Variants in FANCA observed in about 807,000 individuals in gnomAD.
FANCA encodes FA complementation group A, also known as Fanconi anemia group A protein.
In FANCA, 236 loss-of-function variants were observed where a neutral mutation model predicts 194.3. The ratio of observed to expected loss-of-function variants is 1.21; its 90% CI spans 1.09 to 1.35. FANCA has a LOEUF of 1.35. Among genes scored for constraint, FANCA ranks in the 40% most tolerant of loss-of-function variants. The pLI, the probability that FANCA is intolerant of heterozygous loss-of-function variation, is 0.00. For synonymous variants in FANCA, 1,014 were observed against 715.8 expected (o/e 1.42, Z -6.65); for missense variants, 2,628 against 1,813.9 (o/e 1.45, Z -8.15).
intron 36 of FANCA, among the ~76,000 whole-genome samples, chr16:89,743,361 G>A (rs1000302588): frequency 6.6e-6 from 1 of 152,230 alleles, no homozygotes; most frequent in Non-Finnish European, 1.5e-5. Flanking sequence ...GAGTTTTCTG[G>A]CTGGTTAAAA....
At chr16:89,769,671 A>G in intron 26 of FANCA, 166 bp downstream of exon 26, 1 of 754,926 alleles carries the variant, frequency 1.3e-6, no homozygotes, top group Non-Finnish European at 2.3e-6. Flanking sequence ...CGCATATTAT[A>G]AACAAATGAC....
intron 9 of FANCA, 104 bp from the exon 10 acceptor site, chr16:89,799,336 C>T (rs1041285223): frequency 2.5e-5 from 32 of 1,299,788 alleles, no homozygotes; most frequent in Non-Finnish European, 3.3e-5. Context: ...TTCAACCCCC[C>T]AGAGGGCCCA....
chr16:89,795,872 G>C lies in FANCA; in HGVS notation c.1006+34C>G, dbSNP rs746212680. The C allele has an allele frequency of 1.6e-5, 24 of 1,507,148 alleles. No individual in the cohort carries two copies. The East Asian group carries it at 5.2e-4, about 33-fold the overall frequency. 93.4% of individuals were successfully genotyped at this position (1,507,148 alleles called of 1,614,324 possible). On this transcript the variant is annotated intron_variant, in intron 11 of 42. Coordinates refer to ENST00000389301, the MANE Select transcript of FANCA (RefSeq NM_000135.4). ...CAAGGCAACAGCAATCCCCAAAATG[G>C]GTAGCAACTGAGCAGCCTCCACACT...
At chr16:89,815,510 C>T (rs1280863220) in intron 2 of FANCA, among the ~76,000 whole-genome samples, 1 of 151,872 alleles carries the variant, frequency 6.6e-6, no homozygotes, top group African/African-American at 2.4e-5. Context: ...CGTGCGCCAC[C>T]ACACCCAGCT....
Position 89,812,646 on chromosome 16 carries a change from C to CAAAAAAAAAAAAAAAAAAAAAAAA in FANCA, c.284-1599_284-1576dup, listed in dbSNP as rs71137677. Reference sequence around the variant, plus strand: ...GGGTAACAAGAGCAATACTCCGTCTCAAAAAAAAAAAAAAAAAAAAAAAAC... The same window carrying CAAAAAAAAAAAAAAAAAAAAAAAA: ...GGGTAACAAGAGCAATACTCCGTCTCAAAAAAAAAAAAAAAAAAAAAAAAAAAAAAAAAAAAAAAAAAAAAAAAC... On this transcript the variant is annotated intron_variant, in intron 3 of 42. Coordinates refer to ENST00000389301, the MANE Select transcript of FANCA (RefSeq NM_000135.4). 1.4e-3 allele frequency among the ~76,000 whole-genome samples: 58 copies of CAAAAAAAAAAAAAAAAAAAAAAAA among 42,284 alleles called. 2 individuals are homozygous for CAAAAAAAAAAAAAAAAAAAAAAAA. Among genetic ancestry groups the CAAAAAAAAAAAAAAAAAAAAAAAA allele is most frequent in the Non-Finnish European group, 2.6e-3 (46 of 17,574 alleles). 27.7% of individuals were successfully genotyped at this position (42,284 alleles called of 152,430 possible). A position where few individuals can be genotyped will look rare whatever the true frequency, so the allele number is the denominator to read the frequency against.
chr16:89,737,553 G>A lies in FANCA; in HGVS notation c.*1048C>T. On this transcript the variant is annotated 3_prime_UTR_variant, in exon 43 of 43. Coordinates refer to ENST00000389301, the MANE Select transcript of FANCA (RefSeq NM_000135.4). ...AAAAAAGACAAGAATCTGTGGTTAAGGAAATAGCTTTCTGAGGTTTCTTTA... is the reference window on the plus strand; with the variant it reads ...AAAAAAGACAAGAATCTGTGGTTAAAGAAATAGCTTTCTGAGGTTTCTTTA... 1 of 555,372 alleles carries A rather than the reference G, an allele frequency of 1.8e-6. No individual in the cohort carries two copies. Among genetic ancestry groups the A allele is most frequent in the Non-Finnish European group, 3.0e-6 (1 of 337,372 alleles). 34.4% of individuals were successfully genotyped at this position (555,372 alleles called of 1,614,324 possible). A position where few individuals can be genotyped will look rare whatever the true frequency, so the allele number is the denominator to read the frequency against.
intron 17 of FANCA, 134 bp downstream of exon 17, chr16:89,782,725 C>A: frequency 1.3e-6 from 1 of 769,378 alleles, no homozygotes. Context: ...GAGCCTCGCC[C>A]CCAGCTGCGC....
intron 17 of FANCA, among the ~76,000 whole-genome samples, chr16:89,780,669 C>A (rs1297208232): frequency 6.6e-6 from 1 of 151,246 alleles, no homozygotes; most frequent in Non-Finnish European, 1.5e-5. Flanking sequence ...CAGCTCACAT[C>A]TGTAATCCCA....
chr16:89,767,160 G>C lies in FANCA; in HGVS notation c.2582C>G (p.Ser861Cys). The C allele has an allele frequency of 6.2e-7, 1 of 1,612,590 alleles. No homozygotes were observed. Among genetic ancestry groups the C allele is most frequent in the Middle Eastern group, 1.7e-4 (1 of 6,060 alleles). Reference protein sequence around the residue: ...QSRDTLCSCLSPGLIKKFQFL... With the variant: ...QSRDTLCSCLCPGLIKKFQFL... ...ACCTACCTTTTTAATAAGGCCTGGA[G>C]ATAAGCAGCTGCACAAAGTATCTCG... The change falls in exon 27 of 43, where the codon TCT becomes TGT. Residue 861 changes from serine to cysteine, a missense_variant. By Grantham distance (112) the Ser-to-Cys change is moderately radical. Coordinates refer to ENST00000389301, the MANE Select transcript of FANCA (RefSeq NM_000135.4).
At chr16:89,781,295 C>T (rs2039692506) in intron 17 of FANCA, among the ~76,000 whole-genome samples, 3 of 131,522 alleles carry the variant, frequency 2.3e-5, no homozygotes, top group African/African-American at 5.9e-5. Flanking sequence ...ACCCGGAAGG[C>T]GGAGCTTGCA....
At chr16:89,792,660 G>T (rs2040116260) in intron 11 of FANCA, 113 bp from the exon 12 acceptor site, 3 of 812,516 alleles carry the variant, frequency 3.7e-6, no homozygotes, top group African/African-American at 1.7e-5. Flanking sequence ...GCGGCGACGA[G>T]AGAGTGTAGA....
At position 89,749,853 on chromosome 16, in the gene FANCA, C is replaced by G. The variant is rs1292002479; in HGVS notation, c.3116G>C (p.Gly1039Ala). The G allele has an allele frequency of 1.9e-6, 3 of 1,614,188 alleles. No individual in the cohort carries two copies. Among genetic ancestry groups the G allele is most frequent in the African/African-American group, 1.3e-5 (1 of 75,060 alleles). Residue 1039 changes from glycine to alanine, a missense_variant, in exon 32 of 43, where the codon GGC becomes GCC. Transcript: ENST00000389301. The part of the protein sequence containing the change: ...ELQQDLIVPL[G>A]HTPSQEHFLF... ...GAAGTGCTCCTGGGAAGGGGTGTGG[C>G]CGAGAGGCACTATGAGGTCTTGCTG...
In FANCA at chr16:89,738,030, G is replaced by A; in HGVS notation, c.*571C>T. On this transcript the variant is annotated 3_prime_UTR_variant, in exon 43 of 43. Coordinates refer to ENST00000389301, the MANE Select transcript of FANCA (RefSeq NM_000135.4). The stretch of plus-strand genomic sequence containing the variant: ...AGCGGGCATCCCTCAAGTACCACAT[G>A]ACCAAACACAAGGCTGAGACTGAGC... 2 of 1,614,142 alleles carry A rather than the reference G, an allele frequency of 1.2e-6. No homozygotes were observed. The highest frequency in any genetic ancestry group is 1.7e-6 in the Non-Finnish European group (2 of 1,180,054).
At position 89,815,335 on chromosome 16, in the gene FANCA, CTTTTTTTTTTTTTT is replaced by C. The variant is rs562815235; in HGVS notation, c.189+528_189+541del. On this transcript the variant is annotated intron_variant, in intron 2 of 42. Coordinates refer to ENST00000389301, the MANE Select transcript of FANCA (RefSeq NM_000135.4). ...TACAGGCGTGAGCCACCACGCCCGG[CTTTTTTTTTTTTTT>C]TTTTTTTTTTTTTTTTTGTGAGACA... Among the ~76,000 whole-genome samples, 250 of 66,540 alleles carry C rather than the reference CTTTTTTTTTTTTTT, an allele frequency of 3.8e-3. 1 individual carries two copies. Among genetic ancestry groups the C allele is most frequent in the African/African-American group, 6.6e-3 (131 of 19,750 alleles). The allele number at this position is 66,540 out of a possible 152,430, so 43.7% of individuals were successfully genotyped here.
chr16:89,756,210 C>T (rs890990202), intron 30 of FANCA, among the ~76,000 whole-genome samples: 2 of 152,042 alleles, frequency 1.3e-5, no homozygotes. Flanking sequence ...AGGATGTGAA[C>T]AGATTTCTCC....
At chr16:89,808,982 T>C (rs1002391345) in intron 5 of FANCA, among the ~76,000 whole-genome samples, 2 of 151,836 alleles carry the variant, frequency 1.3e-5, no homozygotes, top group African/African-American at 2.4e-5. Context: ...CTCGGGTCAC[T>C]GTAAGCTCTG....
At chr16:89,776,785 T>A (rs2039522034) in intron 20 of FANCA, among the ~76,000 whole-genome samples, 1 of 151,000 alleles carries the variant, frequency 6.6e-6, no homozygotes, top group South Asian at 2.1e-4. Flanking sequence ...GAGCCGAGAT[T>A]GCGCCACTGC....
intron 36 of FANCA, among the ~76,000 whole-genome samples, chr16:89,743,655 C>T (rs557535700): frequency 6.6e-6 from 1 of 152,032 alleles, no homozygotes; most frequent in South Asian, 2.1e-4. Context: ...GAAACCCTGT[C>T]TCTACTAAAA....
At chr16:89,803,116 T>G in intron 8 of FANCA, 143 bp downstream of exon 8, 1 of 813,890 alleles carries the variant, frequency 1.2e-6, no homozygotes, top group Non-Finnish European at 2.1e-6. Context: ...ATCATTACAC[T>G]CTATGCACAA....
Sources: gnomAD v4.1 joint callset for allele counts (sites outside exome capture counted in the v4.1 genomes callset) on GRCh38, gnomAD v4.1.1 for gene constraint, MANE v1.5 for transcripts, NCBI Gene and HGNC (gene_info 2026-07-23, HGNC 2026-07-21) for gene names.